The following ZNF385B variants were observed in gnomAD, a reference collection of about 807,000 sequenced individuals.
ZNF385B encodes the protein zinc finger protein 533.
A neutral mutation model predicts 39.2 loss-of-function variants in ZNF385B; 23 were observed. That is an observed-to-expected ratio of 0.59 (90% CI 0.42 to 0.83). ZNF385B has a LOEUF of 0.83. ZNF385B is among the 40% of genes least tolerant of loss of function. The probability of loss-of-function intolerance (pLI) is 0.00; values close to 1 mark genes in which losing one functional copy is unlikely to be tolerated. For synonymous variants in ZNF385B, 205 were observed against 222.6 expected, an observed-to-expected ratio of 0.92 and a Z score of 0.70; for missense variants, 552 against 598.9, an observed-to-expected ratio of 0.92 and a Z score of 0.82.
chr2:179,470,401 C>T (rs944770656), intron 6 of ZNF385B, among the ~76,000 whole-genome samples: 8 of 152,188 alleles, frequency 5.3e-5, no homozygotes, highest in East Asian at 1.9e-4. Context: ...CCTGTTGGGC[C>T]GCATCTTGCA....
At chr2:179,731,596 T>C (rs1258903297) in intron 3 of ZNF385B, among the ~76,000 whole-genome samples, 3 of 152,172 alleles carry the variant, frequency 2.0e-5, no homozygotes, top group Non-Finnish European at 2.9e-5. Context: ...TCTGATTTAA[T>C]TGATCAGGGT....
intron 4 of ZNF385B, among the ~76,000 whole-genome samples, chr2:179,530,069 C>T (rs1423195616): frequency 6.6e-6 from 1 of 151,754 alleles, no homozygotes; most frequent in Non-Finnish European, 1.5e-5. Flanking sequence ...ATGGTTATTC[C>T]ATAGCACATG....
chr2:179,735,945 G>A (rs907964059), intron 3 of ZNF385B, among the ~76,000 whole-genome samples: 6 of 150,178 alleles, frequency 4.0e-5, no homozygotes, highest in Non-Finnish European at 7.4e-5. Context: ...TGACGAGTTA[G>A]TGGGTGCAGT....
intron 6 of ZNF385B, among the ~76,000 whole-genome samples, chr2:179,466,332 G>A (rs972681262): frequency 4.0e-5 from 6 of 151,810 alleles, no homozygotes; most frequent in African/African-American, 1.5e-4. Flanking sequence ...GATAAAAAAT[G>A]TACCTCTGAT....
Position 179,476,248 on chromosome 2 carries a change from A to G in ZNF385B, c.715+7024T>C, listed in dbSNP as rs980158496. Among the ~76,000 whole-genome samples the G allele has an allele frequency of 1.6e-4, 24 of 152,296 alleles. No individual in the cohort carries two copies. In the East Asian group the frequency reaches 4.6e-3, roughly 29 times the overall value. On this transcript the variant is annotated intron_variant, in intron 6 of 9. Coordinates refer to ENST00000410066, the MANE Select transcript of ZNF385B (RefSeq NM_152520.6). ...ATCTCAAGGGCATTTATGGTTATAC[A>G]TTTACAGAATTATTCAATGTACATA...
At chr2:179,518,819 G>C (rs946367632) in intron 4 of ZNF385B, among the ~76,000 whole-genome samples, 181 bp from the exon 5 acceptor site, 1 of 151,746 alleles carries the variant, frequency 6.6e-6, no homozygotes, top group Non-Finnish European at 1.5e-5. Flanking sequence ...AAAAACAAAT[G>C]ACAAAAATGA....
At chr2:179,685,839 T>A (rs1386252452) in intron 3 of ZNF385B, among the ~76,000 whole-genome samples, 1 of 152,210 alleles carries the variant, frequency 6.6e-6, no homozygotes, top group Admixed American at 6.5e-5. Flanking sequence ...TCTGGTAGAT[T>A]CCTAATAAAA....
Position 179,767,643 on chromosome 2 carries a change from G to A in ZNF385B, c.298+1860C>T, listed in dbSNP as rs371739533. On this transcript the variant is annotated intron_variant, in intron 3 of 9. Coordinates refer to ENST00000410066, the MANE Select transcript of ZNF385B (RefSeq NM_152520.6). ...AAAAAAATGAAATGATGTCAGGCTT[G>A]AACCTCATTCAGTGGAGGCTCTAAA... Among the ~76,000 whole-genome samples the A allele has an allele frequency of 4.6e-5, 7 of 152,124 alleles. No individual in the cohort carries two copies. The South Asian group carries it at 8.3e-4, about 18-fold the overall frequency.
At chr2:179,624,952 C>A (rs1426245829) in intron 3 of ZNF385B, among the ~76,000 whole-genome samples, 1 of 94,368 alleles carries the variant, frequency 1.1e-5, no homozygotes, top group Non-Finnish European at 2.2e-5. Context: ...ATTGTTTGAA[C>A]AATTTCTTCT....
intron 1 of ZNF385B, among the ~76,000 whole-genome samples, chr2:179,813,578 AG>A (rs1382085243): frequency 5.9e-5 from 9 of 152,326 alleles, no homozygotes; most frequent in African/African-American, 2.2e-4. Flanking sequence ...AATTCATAAT[AG>A]AAAAATAAAT....
At chr2:179,459,625 G>C (rs2051089250) in intron 6 of ZNF385B, among the ~76,000 whole-genome samples, 1 of 151,292 alleles carries the variant, frequency 6.6e-6, no homozygotes. Flanking sequence ...GTATGTGTGT[G>C]TGGATTTATA....
intron 3 of ZNF385B, among the ~76,000 whole-genome samples, chr2:179,730,716 ATG>A (rs1701334531): frequency 6.6e-6 from 1 of 151,984 alleles, no homozygotes; most frequent in African/African-American, 2.4e-5. Flanking sequence ...TTGAATGATC[ATG>A]TGAATGAATG....
At chr2:179,835,279 T>C (rs1708186501) in intron 1 of ZNF385B, among the ~76,000 whole-genome samples, 1 of 152,216 alleles carries the variant, frequency 6.6e-6, no homozygotes, top group Non-Finnish European at 1.5e-5. Flanking sequence ...GCAAACTGTT[T>C]CCAATTGTTG....
chr2:179,493,678 T>C (rs542811886), intron 5 of ZNF385B, among the ~76,000 whole-genome samples: 3 of 111,084 alleles, frequency 2.7e-5, no homozygotes, highest in African/African-American at 9.7e-5. Context: ...CATATGCATA[T>C]ACATATACAC....
intron 5 of ZNF385B, among the ~76,000 whole-genome samples, chr2:179,500,678 T>C (rs2138877): frequency 0.26 from 39,715 of 152,070 alleles, 5,401 homozygotes; most frequent in East Asian, 0.39. Context: ...CTCCAGGACA[T>C]TGGTCTTGGC....
At chr2:179,683,273 G>T (rs144875133) in intron 3 of ZNF385B, among the ~76,000 whole-genome samples, 1 of 151,690 alleles carries the variant, frequency 6.6e-6, no homozygotes, top group African/African-American at 2.4e-5. Context: ...ACCTGTAATC[G>T]CAGCTACTCA....
chr2:179,791,235 G>A lies in ZNF385B; in HGVS notation c.-154-20563C>T, dbSNP rs76988595. On this transcript the variant is annotated intron_variant, in intron 1 of 9. Transcript: ENST00000410066. The stretch of plus-strand genomic sequence containing the variant: ...TTTCCAGTTTTCATTGCAAATAATC[G>A]GAAATGAGCCCCAAACAAATAAACA... Among the ~76,000 whole-genome samples the A allele has an allele frequency of 1.4e-3, 216 of 152,034 alleles. 1 individual carries two copies. The highest frequency in any genetic ancestry group is 4.9e-3 in the African/African-American group (205 of 41,438).
intron 6 of ZNF385B, among the ~76,000 whole-genome samples, chr2:179,463,561 T>A (rs913034956): frequency 1.3e-5 from 2 of 152,008 alleles, no homozygotes; most frequent in African/African-American, 4.8e-5. Context: ...TGTCCATGTG[T>A]TCTCATTGTT....
intron 3 of ZNF385B, among the ~76,000 whole-genome samples, chr2:179,744,330 A>T (rs199596981): frequency 2.7e-5 from 4 of 149,606 alleles, no homozygotes; most frequent in East Asian, 2.0e-4. Context: ...TTTTTTTTAA[A>T]TCATAGAGAC....
Sources: gnomAD v4.1 joint callset for allele counts (sites outside exome capture counted in the v4.1 genomes callset) on GRCh38, gnomAD v4.1.1 for gene constraint, MANE v1.5 for transcripts, NCBI Gene and HGNC (gene_info 2026-07-23, HGNC 2026-07-21) for gene names.